The following SMYD3 variants were observed in gnomAD, a reference collection of about 807,000 sequenced individuals.
The protein encoded by SMYD3 is SET and MYND domain containing 3, also known as histone-lysine N-methyltransferase SMYD3.
In SMYD3, 36 loss-of-function variants were observed where a neutral mutation model predicts 57.7. That is an observed-to-expected ratio of 0.62 (90% CI 0.48 to 0.82). The LOEUF (loss-of-function observed/expected upper bound fraction) is 0.82, where lower values mean the gene tolerates loss of function less well. SMYD3 is among the 40% of genes least tolerant of loss of function. The pLI, the probability that SMYD3 is intolerant of heterozygous loss-of-function variation, is 0.00. For missense variants in SMYD3, 515 were observed against 538.8 expected (o/e 0.96, Z 0.44); for synonymous variants, 211 against 195.0 (o/e 1.08, Z -0.68).
chr1:246,284,420 C>CT (rs11354241), intron 5 of SMYD3, among the ~76,000 whole-genome samples: 2,161 of 141,412 alleles, frequency 0.015, 34 homozygotes, highest in Middle Eastern at 0.026. Flanking sequence ...TTTTCTTTTT[C>CT]TTTTTTTTTT....
At chr1:246,227,869 T>A (rs1451080448) in intron 5 of SMYD3, among the ~76,000 whole-genome samples, 2 of 152,302 alleles carry the variant, frequency 1.3e-5, no homozygotes, top group East Asian at 3.8e-4. Context: ...TCTAAAAATC[T>A]GTGATAAATA....
intron 1 of SMYD3, among the ~76,000 whole-genome samples, chr1:246,449,021 A>C (rs1007037809): frequency 7.2e-5 from 11 of 152,276 alleles, no homozygotes; most frequent in Non-Finnish European, 1.5e-5. Context: ...TGAGCCCAGG[A>C]CTTCAAGATG....
intron 5 of SMYD3, among the ~76,000 whole-genome samples, chr1:246,018,186 T>C (rs1256583994): frequency 6.6e-6 from 1 of 152,208 alleles, no homozygotes; most frequent in East Asian, 1.9e-4. Context: ...TCTATGTTTA[T>C]TTCTACACAG....
At chr1:246,326,364 A>T (rs1232022362) in intron 5 of SMYD3, 1 of 701,628 alleles carries the variant, frequency 1.4e-6, no homozygotes, top group Non-Finnish European at 2.6e-6. Context: ...CCCAGGGTAA[A>T]TATCAAGAAG....
At chr1:245,862,127 TAGAC>T (rs1558433197) in intron 9 of SMYD3, among the ~76,000 whole-genome samples, 2 of 152,172 alleles carry the variant, frequency 1.3e-5, no homozygotes, top group African/African-American at 4.8e-5. Context: ...CATCTCATCA[TAGAC>T]AGCGTTTCAA....
At chr1:246,077,706 C>G (rs2060571682) in intron 5 of SMYD3, among the ~76,000 whole-genome samples, 2 of 151,866 alleles carry the variant, frequency 1.3e-5, no homozygotes, top group Admixed American at 1.3e-4. Context: ...CAGGCTTTTT[C>G]CCATTCTGGC....
chr1:245,918,355 C>T (rs923523656), intron 7 of SMYD3, among the ~76,000 whole-genome samples: 1 of 152,210 alleles, frequency 6.6e-6, no homozygotes, highest in South Asian at 2.1e-4. Context: ...TACATGGCTG[C>T]TTCTCATACT....
intron 5 of SMYD3, among the ~76,000 whole-genome samples, chr1:246,317,250 G>C (rs1238956828): frequency 6.6e-6 from 1 of 152,186 alleles, no homozygotes; most frequent in Non-Finnish European, 1.5e-5. Context: ...GCTCAGAAAT[G>C]TGACCAGCAA....
At chr1:246,197,334 G>A (rs1032195751) in intron 5 of SMYD3, among the ~76,000 whole-genome samples, 5 of 152,042 alleles carry the variant, frequency 3.3e-5, no homozygotes, top group Non-Finnish European at 5.9e-5. Flanking sequence ...CTGCAGTGGC[G>A]AAGGCTGACA....
chr1:246,233,025 A>T (rs2063441581), intron 5 of SMYD3, among the ~76,000 whole-genome samples: 7 of 135,496 alleles, frequency 5.2e-5, no homozygotes. Flanking sequence ...ACTGTGATGA[A>T]CATATACCAC....
intron 5 of SMYD3, among the ~76,000 whole-genome samples, chr1:246,153,539 C>A (rs2061976643): frequency 6.6e-6 from 1 of 152,194 alleles, no homozygotes; most frequent in African/African-American, 2.4e-5. Context: ...ATGATCATAG[C>A]TCACTACAGC....
intron 10 of SMYD3, among the ~76,000 whole-genome samples, chr1:245,782,848 A>G (rs553374466): frequency 6.6e-6 from 1 of 152,230 alleles, no homozygotes; most frequent in Non-Finnish European, 1.5e-5. Context: ...AGTTCTTCTG[A>G]GCCACAATTT....
intron 1 of SMYD3, among the ~76,000 whole-genome samples, chr1:246,465,040 T>A (rs1356444154): frequency 6.6e-6 from 1 of 152,178 alleles, no homozygotes; most frequent in Non-Finnish European, 1.5e-5. Flanking sequence ...TCCCACTGCT[T>A]TACTTGACAA....
At chr1:245,920,084 C>CT (rs2055760950) in intron 7 of SMYD3, among the ~76,000 whole-genome samples, 1 of 152,014 alleles carries the variant, frequency 6.6e-6, no homozygotes, top group African/African-American at 2.4e-5. Context: ...GAGGCCAAGG[C>CT]GGTAGGATCA....
chr1:246,431,197 C>T (rs1375574750), intron 1 of SMYD3, among the ~76,000 whole-genome samples: 1 of 151,814 alleles, frequency 6.6e-6, no homozygotes, highest in African/African-American at 2.4e-5. Flanking sequence ...GGATCCAATA[C>T]AAAAATATGT....
intron 5 of SMYD3, among the ~76,000 whole-genome samples, chr1:245,958,525 A>T (rs909035216): frequency 1.3e-5 from 2 of 152,088 alleles, no homozygotes; most frequent in Non-Finnish European, 2.9e-5. Context: ...TCCAAAACTT[A>T]GCTCAAGGGT....
chr1:246,495,116 A>AG (rs1247215502), intron 1 of SMYD3, among the ~76,000 whole-genome samples: 4 of 152,054 alleles, frequency 2.6e-5, no homozygotes, highest in African/African-American at 9.6e-5. Context: ...TTGGGAGGCC[A>AG]AGGCGGGTGG....
chr1:245,821,812 G>A (rs2049176268), intron 10 of SMYD3, among the ~76,000 whole-genome samples: 1 of 151,716 alleles, frequency 6.6e-6, no homozygotes, highest in Non-Finnish European at 1.5e-5. Flanking sequence ...ATCATCACTG[G>A]CCATCAGAGA....
At chr1:246,304,702 A>ACC (rs967520793) in intron 5 of SMYD3, among the ~76,000 whole-genome samples, 2 of 152,002 alleles carry the variant, frequency 1.3e-5, no homozygotes, top group Admixed American at 1.3e-4. Context: ...TTTAAAATAC[A>ACC]CCCCCTGCAG....
Sources: gnomAD v4.1 joint callset for allele counts (sites outside exome capture counted in the v4.1 genomes callset) on GRCh38, gnomAD v4.1.1 for gene constraint, MANE v1.5 for transcripts, NCBI Gene and HGNC (gene_info 2026-07-23, HGNC 2026-07-21) for gene names.